The following FAT3 variants were observed in gnomAD, a reference collection of about 807,000 sequenced individuals.
The protein encoded by FAT3 is FAT atypical cadherin 3.
Under a neutral mutation model 310.2 loss-of-function variants are expected in FAT3, and 95 were observed. That is an observed-to-expected ratio of 0.31 (90% CI 0.26 to 0.36). FAT3 has a LOEUF of 0.36. Among genes scored for constraint, FAT3 ranks in the 10% least tolerant of loss-of-function variants. FAT3 has a pLI of 1.00. For missense variants in FAT3, 5,408 were observed against 5,715.6 expected (o/e 0.95, Z 1.74); for synonymous variants, 2,314 against 2,192.9 (o/e 1.06, Z -1.54).
intron 6 of FAT3, 123 bp from the exon 7 acceptor site, chr11:92,773,917 AT>A: frequency 1.1e-6 from 1 of 919,994 alleles, no homozygotes; most frequent in South Asian, 1.8e-5. Context: ...GATGTACAAA[AT>A]TGAGCCATAG....
chr11:92,366,813 C>G, intron 2 of FAT3: 1 of 533,516 alleles, frequency 1.9e-6, no homozygotes. Context: ...AGCTGATCTT[C>G]AGTGAGGTCT....
chr11:92,739,751 C>T lies in FAT3; in HGVS notation c.3670-22105C>T, dbSNP rs543407893. 4.6e-5 allele frequency among the ~76,000 whole-genome samples: 7 copies of T among 152,326 alleles called. No homozygotes were observed. In the South Asian group the frequency reaches 6.2e-4, roughly 14 times the overall value. ...ACTGTGGTGTTAAACTCTCTACATGCTTGGCAATCTCTGCTGCCTGTCACA... is the reference window on the plus strand; with the variant it reads ...ACTGTGGTGTTAAACTCTCTACATGTTTGGCAATCTCTGCTGCCTGTCACA... On this transcript the variant is annotated intron_variant, in intron 4 of 27. Transcript: ENST00000525166.
intron 3 of FAT3, among the ~76,000 whole-genome samples, chr11:92,644,719 G>A (rs987673541): frequency 2.6e-5 from 4 of 152,192 alleles, no homozygotes; most frequent in Admixed American, 6.5e-5. Context: ...CTTGTTATGC[G>A]CACTGCTGCC....
chr11:92,620,456 A>G (rs1309455852), intron 3 of FAT3, among the ~76,000 whole-genome samples: 1 of 152,230 alleles, frequency 6.6e-6, no homozygotes, highest in Non-Finnish European at 1.5e-5. Flanking sequence ...ATGTAGAAAT[A>G]TCAATAGTAT....
intron 12 of FAT3, among the ~76,000 whole-genome samples, chr11:92,808,803 G>A (rs1332955540): frequency 6.6e-6 from 1 of 152,114 alleles, no homozygotes; most frequent in African/African-American, 2.4e-5. Context: ...GCGGGCACCT[G>A]TAGTCCCAGC....
At chr11:92,439,559 A>C (rs1325401366) in intron 2 of FAT3, among the ~76,000 whole-genome samples, 1 of 152,064 alleles carries the variant, frequency 6.6e-6, no homozygotes, top group Admixed American at 6.5e-5. Context: ...TCGGGAGCTC[A>C]CAGTTTAGTC....
intron 3 of FAT3, among the ~76,000 whole-genome samples, chr11:92,620,979 A>G (rs1024538020): frequency 6.6e-6 from 1 of 152,166 alleles, no homozygotes; most frequent in Non-Finnish European, 1.5e-5. Flanking sequence ...CTCTTCTTAT[A>G]TCAGCACTAA....
chr11:92,579,723 G>T (rs1591479456), intron 3 of FAT3, among the ~76,000 whole-genome samples: 1 of 152,138 alleles, frequency 6.6e-6, no homozygotes, highest in African/African-American at 2.4e-5. Context: ...CCAGAATTCT[G>T]GCTGCCTTAG....
At chr11:92,356,604 C>A (rs752765476) in intron 2 of FAT3, among the ~76,000 whole-genome samples, 1 of 152,176 alleles carries the variant, frequency 6.6e-6, no homozygotes, top group Non-Finnish European at 1.5e-5. Flanking sequence ...TGGTGCTTTT[C>A]TTCCCGTAAG....
chr11:92,682,418 G>T (rs574207531), intron 3 of FAT3, among the ~76,000 whole-genome samples: 2 of 152,150 alleles, frequency 1.3e-5, no homozygotes, highest in African/African-American at 4.8e-5. Context: ...TTGAGCAGGC[G>T]CATTACCTAA....
At chr11:92,447,222 CGTGTGTGTGTGTGTGT>C (rs34833885) in intron 2 of FAT3, among the ~76,000 whole-genome samples, 1 of 146,296 alleles carries the variant, frequency 6.8e-6, no homozygotes, top group African/African-American at 2.5e-5. Context: ...TATATGTGTG[CGTGTGTGTGTGTGTGT>C]GTGTGTGTGT....
At chr11:92,335,178 G>C (rs978966138) in intron 1 of FAT3, among the ~76,000 whole-genome samples, 1 of 149,510 alleles carries the variant, frequency 6.7e-6, no homozygotes. Flanking sequence ...ATCTTCTGTT[G>C]GTCTACATGA....
At position 92,891,219 on chromosome 11, in the gene FAT3, C is replaced by A; in HGVS notation, c.*106C>A. ...TTGTCTGTGGAATGAGAAGGGAATA[C>A]TGTATTTTTCCACTAGAAACTTCTT... On this transcript the variant is annotated 3_prime_UTR_variant, in exon 28 of 28. Transcript: ENST00000525166. 7.1e-7 allele frequency: 1 copy of A among 1,401,758 alleles called. No individual in the cohort carries two copies. The highest frequency in any genetic ancestry group is 9.6e-7 in the Non-Finnish European group (1 of 1,040,498). The allele number at this position is 1,401,758 out of a possible 1,614,324, so 86.8% of individuals were successfully genotyped here.
intron 4 of FAT3, among the ~76,000 whole-genome samples, chr11:92,736,760 T>C (rs1945361971): frequency 6.6e-6 from 1 of 152,348 alleles, no homozygotes; most frequent in East Asian, 1.9e-4. Flanking sequence ...AGATTCCTAG[T>C]ATCTGGGCAA....
Position 92,798,037 on chromosome 11 carries a change from A to T in FAT3, c.5024A>T (p.Asp1675Val), listed in dbSNP as rs1371664891. 3 of 1,613,888 alleles carry T rather than the reference A, an allele frequency of 1.9e-6. No homozygotes were observed. The highest frequency in any genetic ancestry group is 2.7e-5 in the African/African-American group (2 of 75,034). Residue 1675 changes from aspartate to valine, a missense_variant, in exon 10 of 28, where the codon GAC becomes GTC. By Grantham distance (152) the Asp-to-Val change is radical (BLOSUM62 -3). Around this residue, in one of 5 missense-constraint regions of FAT3, gnomAD observed 4,588 missense variants for 4,809.8 expected, o/e 0.95. Coordinates refer to ENST00000525166, the MANE Select transcript of FAT3 (RefSeq NM_001367949.2). ...DNSHPKFIHK[D>V]YQAEVNENVD... is the part of the protein sequence containing the mutation. ...TCTCACCCCAAGTTCATTCACAAAG[A>T]CTACCAAGCAGAAGTAAATGAAAAT...
chr11:92,422,438 G>T (rs190635515), intron 2 of FAT3, among the ~76,000 whole-genome samples: 108 of 152,248 alleles, frequency 7.1e-4, no homozygotes, highest in Non-Finnish European at 1.2e-3. Flanking sequence ...GCCCCTCTAG[G>T]TTGAGCCAAA....
intron 3 of FAT3, among the ~76,000 whole-genome samples, chr11:92,678,513 C>G (rs1438075528): frequency 6.6e-6 from 1 of 152,150 alleles, no homozygotes; most frequent in Non-Finnish European, 1.5e-5. Context: ...ATTAGGCCTC[C>G]CAGTGCTGTT....
intron 2 of FAT3, among the ~76,000 whole-genome samples, chr11:92,421,533 A>C (rs1048285838): frequency 2.0e-5 from 3 of 152,216 alleles, no homozygotes; most frequent in African/African-American, 7.2e-5. Flanking sequence ...GTAATTGAGC[A>C]ATTGTGTGCT....
At position 92,754,348 on chromosome 11, in the gene FAT3, G is replaced by A. The variant is rs553645566; in HGVS notation, c.3670-7508G>A. Among the ~76,000 whole-genome samples, 116 of 151,908 alleles carry A rather than the reference G, an allele frequency of 7.6e-4. 2 individuals carry two copies. In the South Asian group the frequency reaches 0.021, roughly 28 times the overall value. On this transcript the variant is annotated intron_variant, in intron 4 of 27. Coordinates refer to ENST00000525166, the MANE Select transcript of FAT3 (RefSeq NM_001367949.2). ...GCCTTTAAAAAGAAGGAAATCGGCC[G>A]GGCGCGATGGCTCACGCCTGTAATA...
Sources: allele counts gnomAD v4.1 joint callset (sites outside exome capture counted in the v4.1 genomes callset), GRCh38; gene constraint gnomAD v4.1.1; regional missense constraint gnomAD v4.1.1; transcripts MANE v1.5; gene names NCBI Gene and HGNC (gene_info 2026-07-23, HGNC 2026-07-21).